The following RUFY2 variants were observed in gnomAD, a reference collection of about 807,000 sequenced individuals.
RUFY2 encodes RUN and FYVE domain-containing protein 2.
RUFY2 carries 49 observed loss-of-function variants against 94.4 expected under a neutral mutation model. That is an observed-to-expected ratio of 0.52 (90% CI 0.41 to 0.66). RUFY2 has a LOEUF of 0.66. RUFY2 is among the 30% of genes least tolerant of loss of function. The pLI is 0.00. For synonymous variants in RUFY2, 255 were observed against 235.7 expected (o/e 1.08, Z -0.75); for missense variants, 541 against 692.8 (o/e 0.78, Z 2.46).
At chr10:68,382,156 C>G (rs1456480015) in intron 10 of RUFY2, among the ~76,000 whole-genome samples, 1 of 150,862 alleles carries the variant, frequency 6.6e-6, no homozygotes, top group Non-Finnish European at 1.5e-5. Flanking sequence ...TCATGCCATT[C>G]TCCTGCCTCA....
At chr10:68,351,339 T>A (rs1184850978) in intron 16 of RUFY2, among the ~76,000 whole-genome samples, 16 of 151,948 alleles carry the variant, frequency 1.1e-4, no homozygotes, top group Admixed American at 1.0e-3. Context: ...GGTTTCACCA[T>A]GTTGGCCAAG....
At chr10:68,354,257 G>C (rs913435477) in intron 16 of RUFY2, among the ~76,000 whole-genome samples, 5 of 152,016 alleles carry the variant, frequency 3.3e-5, no homozygotes, top group African/African-American at 1.2e-4. Flanking sequence ...GCTCCCTGCA[G>C]CCTCGACCTC....
intron 13 of RUFY2, among the ~76,000 whole-genome samples, chr10:68,365,316 C>T (rs1208625038): frequency 6.6e-6 from 1 of 152,200 alleles, no homozygotes; most frequent in Admixed American, 6.5e-5. Context: ...CTGATTCCCA[C>T]TAGCACCACT....
At position 68,345,737 on chromosome 10, in the gene RUFY2, A is replaced by T; in HGVS notation, c.*31T>A. 6.3e-7 allele frequency: 1 copy of T among 1,591,124 alleles called. No homozygotes were observed. Among genetic ancestry groups the T allele is most frequent in the African/African-American group, 1.3e-5 (1 of 74,306 alleles). ...AACATCATAACATTCATTGTAGGTA[A>T]TTTCATACATAAGGATTTAGTTCTG... On this transcript the variant is annotated 3_prime_UTR_variant, in exon 18 of 18. Transcript: ENST00000602465.
intron 4 of RUFY2, 129 bp downstream of exon 4, chr10:68,396,651 C>T (rs1162166973): frequency 5.5e-6 from 3 of 543,936 alleles, no homozygotes; most frequent in Non-Finnish European, 9.5e-6. Flanking sequence ...TCTCATTTTG[C>T]TCCTCCTCTT....
At chr10:68,396,646 T>C (rs1172086997) in intron 4 of RUFY2, 134 bp downstream of exon 4, 3 of 534,280 alleles carry the variant, frequency 5.6e-6, no homozygotes, top group East Asian at 3.0e-5. Context: ...TTCTGTCTCA[T>C]TTTGCTCCTC....
intron 2 of RUFY2, among the ~76,000 whole-genome samples, chr10:68,402,745 G>T (rs2133236045): frequency 6.7e-6 from 1 of 149,710 alleles, no homozygotes; most frequent in East Asian, 2.0e-4. Flanking sequence ...AGAGGAGCAT[G>T]GTTAAATTAT....
In RUFY2 at chr10:68,345,504, TAAGGC is replaced by T; in HGVS notation, c.*259_*263del. The T allele has an allele frequency of 2.4e-6, 1 of 424,080 alleles. No individual in the cohort carries two copies. Among genetic ancestry groups the T allele is most frequent in the Non-Finnish European group, 4.1e-6 (1 of 241,772 alleles). 26.3% of individuals were successfully genotyped at this position (424,080 alleles called of 1,614,324 possible). A position where few individuals can be genotyped will look rare whatever the true frequency, so the allele number is the denominator to read the frequency against. On this transcript the variant is annotated 3_prime_UTR_variant, in exon 18 of 18. Transcript: ENST00000602465. ...CCTTATTTTTAAGGCCTTTACAAGA[TAAGGC>T]AAGTTGTGTTAGCTCTGCTCTCTGG...
intron 13 of RUFY2, among the ~76,000 whole-genome samples, chr10:68,374,114 CAAAA>C (rs34041522): frequency 8.4e-5 from 5 of 59,348 alleles, no homozygotes; most frequent in Non-Finnish European, 1.2e-4. Context: ...GATCCTGTCC[CAAAA>C]AAAAAAAAAA....
At chr10:68,399,247 T>C (rs1654691964) in intron 3 of RUFY2, among the ~76,000 whole-genome samples, 3 of 152,098 alleles carry the variant, frequency 2.0e-5, no homozygotes, top group Admixed American at 2.0e-4. Flanking sequence ...GGTTTCGCCA[T>C]GTTGCCCAGG....
At chr10:68,402,837 ATCTT>A in intron 2 of RUFY2, among the ~76,000 whole-genome samples, 1 of 141,054 alleles carries the variant, frequency 7.1e-6, no homozygotes, top group East Asian at 2.0e-4. Context: ...TCCAAGCCAT[ATCTT>A]TTTTTTTTTT....
intron 13 of RUFY2, among the ~76,000 whole-genome samples, chr10:68,366,349 A>AAG (rs1244186908): frequency 5.3e-5 from 8 of 150,996 alleles, no homozygotes; most frequent in African/African-American, 9.7e-5. Flanking sequence ...AAAAAAAAAA[A>AAG]AGAGAGAGAA....
intron 13 of RUFY2, among the ~76,000 whole-genome samples, chr10:68,373,349 C>A (rs957127453): frequency 5.3e-5 from 8 of 152,060 alleles, no homozygotes; most frequent in African/African-American, 1.9e-4. Flanking sequence ...AGAGGAACAA[C>A]AAACAGGAAA....
intron 3 of RUFY2, among the ~76,000 whole-genome samples, chr10:68,400,282 C>G (rs2050713660): frequency 6.6e-6 from 1 of 152,058 alleles, no homozygotes; most frequent in Admixed American, 6.6e-5. Flanking sequence ...CACCACTGCA[C>G]TCCAGTCTGG....
chr10:68,388,431 C>G (rs1452446564), intron 7 of RUFY2, among the ~76,000 whole-genome samples: 2 of 152,130 alleles, frequency 1.3e-5, no homozygotes, highest in Non-Finnish European at 2.9e-5. Flanking sequence ...CCATTGCATT[C>G]CAGCCTGGGC....
chr10:68,374,039 C>A (rs568686897), intron 13 of RUFY2, among the ~76,000 whole-genome samples: 1 of 148,360 alleles, frequency 6.7e-6, no homozygotes, highest in East Asian at 2.0e-4. Flanking sequence ...ATTGCTTGAG[C>A]CTAGGAGATC....
Position 68,344,616 on chromosome 10 carries a change from C to G in RUFY2, c.*1152G>C, listed in dbSNP as rs2134859016. On this transcript the variant is annotated 3_prime_UTR_variant, in exon 18 of 18. Transcript: ENST00000602465. ...TTGGGAGGCTGAGGCAGGAGAATTG[C>G]TTGAACCCAGGAGGTGGAGATCGTG... 1 of 152,610 alleles carries G rather than the reference C, an allele frequency of 6.6e-6. No homozygotes were observed. The highest frequency in any genetic ancestry group is 1.9e-4 in the East Asian group (1 of 5,206). 9.5% of individuals were successfully genotyped at this position (152,610 alleles called of 1,614,324 possible). A position where few individuals can be genotyped will look rare whatever the true frequency, so the allele number is the denominator to read the frequency against.
intron 15 of RUFY2, among the ~76,000 whole-genome samples, chr10:68,360,739 C>G (rs1462455577): frequency 6.6e-6 from 1 of 151,454 alleles, no homozygotes. Context: ...CAGAGCGAGA[C>G]TCCATCTCAA....
intron 13 of RUFY2, among the ~76,000 whole-genome samples, chr10:68,368,161 G>T (rs2047996076): frequency 6.6e-6 from 1 of 150,908 alleles, no homozygotes; most frequent in South Asian, 2.1e-4. Context: ...TAGAGATGGG[G>T]TTTCACCATG....
Sources: gnomAD v4.1 joint callset for allele counts (sites outside exome capture counted in the v4.1 genomes callset) on GRCh38, gnomAD v4.1.1 for gene constraint, MANE v1.5 for transcripts, NCBI Gene and HGNC (gene_info 2026-07-23, HGNC 2026-07-21) for gene names.